The following PCDHA6 variants were observed in gnomAD, a reference collection of about 807,000 sequenced individuals.
The protein encoded by PCDHA6 is protocadherin alpha-6.
A neutral mutation model predicts 60.3 loss-of-function variants in PCDHA6; 55 were observed. That is an observed-to-expected ratio of 0.91 (90% CI 0.73 to 1.14). The LOEUF is 1.14. Among genes scored for constraint, PCDHA6 ranks in the 50% most tolerant of loss-of-function variants. PCDHA6 has a pLI of 0.00. For synonymous variants in PCDHA6, 652 were observed against 557.9 expected (o/e 1.17, Z -2.38); for missense variants, 1,327 against 1,256.5 (o/e 1.06, Z -0.85).
intron 1 of PCDHA6, chr5:140,926,928 G>GT: frequency 1.3e-6 from 2 of 1,574,878 alleles, no homozygotes; most frequent in South Asian, 2.4e-5. Context: ...TATGTTTGTG[G>GT]GTTTCCTGCG....
intron 1 of PCDHA6, chr5:140,969,086 G>A: frequency 6.2e-7 from 1 of 1,614,190 alleles, no homozygotes; most frequent in Non-Finnish European, 8.5e-7. Context: ...TGGCCTCAAA[G>A]TGCAGCCTCA....
chr5:140,849,832 C>G lies in PCDHA6; in HGVS notation c.2394+19347C>G. The G allele has an allele frequency of 6.3e-7, 1 of 1,598,398 alleles. No individual in the cohort carries two copies. The highest frequency in any genetic ancestry group is 1.1e-5 in the South Asian group (1 of 90,532). On this transcript the variant is annotated intron_variant, in intron 1 of 3. Coordinates refer to ENST00000529310, the MANE Select transcript of PCDHA6 (RefSeq NM_018909.4). ...ACGGCCAGGGTGTCTGTGGAGGTGGCCGACGTGAACGACAACGCACCAGCG... is the reference window on the plus strand; with the variant it reads ...ACGGCCAGGGTGTCTGTGGAGGTGGGCGACGTGAACGACAACGCACCAGCG...
intron 1 of PCDHA6, among the ~76,000 whole-genome samples, chr5:140,961,831 T>G (rs1447917023): frequency 6.6e-6 from 1 of 152,194 alleles, no homozygotes; most frequent in African/African-American, 2.4e-5. Flanking sequence ...TGTAAGTTAT[T>G]TCAGTGCCTT....
chr5:140,835,663 C>T (rs1249758735), intron 1 of PCDHA6: 8 of 1,613,782 alleles, frequency 5.0e-6, no homozygotes, highest in Non-Finnish European at 6.8e-6. Flanking sequence ...GTGGTTACCG[C>T]GCGGGACGGG....
At chr5:140,833,481 C>T (rs968356288) in intron 1 of PCDHA6, among the ~76,000 whole-genome samples, 1 of 152,024 alleles carries the variant, frequency 6.6e-6, no homozygotes, top group South Asian at 2.1e-4. Flanking sequence ...AGAAATAATA[C>T]AAATCATATT....
rs782646556 is a variant in PCDHA6 at position 140,869,083 on chromosome 5, T to G, written c.2394+38598T>G. 1.6e-5 allele frequency: 26 copies of G among 1,582,872 alleles called. No individual in the cohort carries two copies. The South Asian group carries it at 2.9e-4, about 18-fold the overall frequency. On this transcript the variant is annotated intron_variant, in intron 1 of 3. Coordinates refer to ENST00000529310, the MANE Select transcript of PCDHA6 (RefSeq NM_018909.4). ...ACTGTAAGTGTAAAGAAGCTTATTT[T>G]GGAAGCCAATTTCGTATGCGATGTT...
intron 1 of PCDHA6, chr5:140,929,724 TA>T (rs2086341478): frequency 4.6e-6 from 1 of 218,158 alleles, no homozygotes; most frequent in Admixed American, 5.9e-5. Flanking sequence ...GTGAAACATT[TA>T]CTTAAACTAT....
At chr5:140,897,682 A>G (rs1397590916) in intron 1 of PCDHA6, among the ~76,000 whole-genome samples, 3 of 152,186 alleles carry the variant, frequency 2.0e-5, no homozygotes, top group Non-Finnish European at 4.4e-5. Flanking sequence ...AGCATGATTT[A>G]TAGTCCTTTG....
Position 140,871,493 on chromosome 5 carries a change from A to G in PCDHA6, c.2394+41008A>G, listed in dbSNP as rs968230550. 7 of 1,589,034 alleles carry G rather than the reference A, an allele frequency of 4.4e-6. No homozygotes were observed. Among genetic ancestry groups the G allele is most frequent in the Non-Finnish European group, 6.0e-6 (7 of 1,166,200 alleles). Reference sequence around the variant, plus strand: ...GAGCCAGGGTCAAATCACCCCGGACAGGTGAGTTTTCTACAGATTCCACCT... The same window carrying G: ...GAGCCAGGGTCAAATCACCCCGGACGGGTGAGTTTTCTACAGATTCCACCT... On this transcript the variant is annotated intron_variant, in intron 1 of 3. Coordinates refer to ENST00000529310, the MANE Select transcript of PCDHA6 (RefSeq NM_018909.4).
intron 1 of PCDHA6, among the ~76,000 whole-genome samples, chr5:140,943,416 A>T (rs556948015): frequency 2.6e-5 from 4 of 152,286 alleles, no homozygotes; most frequent in African/African-American, 9.6e-5. Flanking sequence ...GACTAGAGGC[A>T]AGGGCTTTAA....
chr5:140,881,232 C>A, intron 1 of PCDHA6: 2 of 318,074 alleles, frequency 6.3e-6, no homozygotes, highest in Non-Finnish European at 9.1e-6. Context: ...AAATTAAAGT[C>A]AATTTAAATG....
At position 140,828,613 on chromosome 5, in the gene PCDHA6, T is replaced by C. The variant is rs2150157360; in HGVS notation, c.522T>C (p.Ser174=). ...CCATCTTAACCTATAAACTCAGTTC[T>C]AGCGAATACTTCGGGCTAGATGTGA... ...SNSILTYKLS[S]SEYFGLDVKI... The change falls in exon 1 of 4, where the codon TCT becomes TCC. Residue 174 remains serine (S), a synonymous_variant. Coordinates refer to ENST00000529310, the MANE Select transcript of PCDHA6 (RefSeq NM_018909.4). 1.1e-5 allele frequency: 18 copies of C among 1,614,128 alleles called. No homozygotes were observed. Among genetic ancestry groups the C allele is most frequent in the Admixed American group, 1.7e-5 (1 of 60,010 alleles).
At chr5:140,960,476 A>G (rs900807612) in intron 1 of PCDHA6, among the ~76,000 whole-genome samples, 3 of 152,178 alleles carry the variant, frequency 2.0e-5, no homozygotes, top group South Asian at 2.1e-4. Context: ...TCCTTCTTAC[A>G]CAGAGGTGTA....
intron 1 of PCDHA6, chr5:140,862,036 A>G (rs1554155572): frequency 6.4e-6 from 1 of 155,636 alleles, no homozygotes; most frequent in African/African-American, 2.4e-5. Flanking sequence ...CGAGGGTTCA[A>G]ACCGTCACAT....
intron 1 of PCDHA6, chr5:140,864,038 C>T (rs541763378): frequency 1.2e-4 from 19 of 153,004 alleles, no homozygotes; most frequent in African/African-American, 4.6e-4. Context: ...CCATCTTAAT[C>T]ACTTTTTACT....
chr5:140,875,986 T>C, intron 1 of PCDHA6: 1 of 1,613,998 alleles, frequency 6.2e-7, no homozygotes, highest in East Asian at 2.2e-5. Context: ...GACCTATGCG[T>C]TAAGTCTAAA....
At chr5:140,931,440 AT>A (rs2153608083) in intron 1 of PCDHA6, among the ~76,000 whole-genome samples, 1 of 141,482 alleles carries the variant, frequency 7.1e-6, no homozygotes, top group South Asian at 2.3e-4. Flanking sequence ...AAAATTAGCT[AT>A]TTAAAAGGAA....
chr5:140,968,081 G>A, intron 1 of PCDHA6: 2 of 1,614,120 alleles, frequency 1.2e-6, no homozygotes, highest in Non-Finnish European at 1.7e-6. Context: ...CAACATCACG[G>A]TGACAGCCAC....
At chr5:140,979,055 T>A (rs2096833782) in intron 2 of PCDHA6, 48 bp downstream of exon 2, 1 of 1,607,848 alleles carries the variant, frequency 6.2e-7, no homozygotes, top group Non-Finnish European at 8.5e-7. Flanking sequence ...TAACTTGGTA[T>A]GGCTCAGATA....
Sources: gnomAD v4.1 joint callset for allele counts (sites outside exome capture counted in the v4.1 genomes callset) on GRCh38, gnomAD v4.1.1 for gene constraint, MANE v1.5 for transcripts, NCBI Gene and HGNC (gene_info 2026-07-23, HGNC 2026-07-21) for gene names.